ATL3: variants seen among roughly 807,000 people sequenced by gnomAD.
ATL3 encodes the protein atlastin GTPase 3, also known as atlastin-3.
ATL3 carries 49 observed loss-of-function variants against 69.5 expected under a neutral mutation model. The observed-to-expected ratio is 0.71, with a 90% CI of 0.56 to 0.89. ATL3 has a LOEUF of 0.89. ATL3 is among the 40% of genes least tolerant of loss of function. ATL3 has a pLI of 0.00. For synonymous variants in ATL3, 214 were observed against 224.1 expected, an observed-to-expected ratio of 0.95 and a Z score of 0.40; for missense variants, 606 against 645.7, an observed-to-expected ratio of 0.94 and a Z score of 0.67.
intron 5 of ATL3, among the ~76,000 whole-genome samples, chr11:63,651,363 A>T (rs1288360005): frequency 6.6e-6 from 1 of 151,898 alleles, no homozygotes; most frequent in Non-Finnish European, 1.5e-5. Flanking sequence ...CCAAGATTGC[A>T]TCATTGCACT....
rs1218378520 is a variant in ATL3 at position 63,624,553 on chromosome 11, T to G, written c.*4766A>C. 1 of 152,236 alleles carries G rather than the reference T, an allele frequency of 6.6e-6. No individual in the cohort carries two copies. The highest frequency in any genetic ancestry group is 2.4e-5 in the African/African-American group (1 of 41,466). The allele number at this position is 152,236 out of a possible 1,614,324, so 9.4% of individuals were successfully genotyped here. ...GGATCTTGTCTTCTTTCTTGTTCAT[T>G]ATTTTTATTTGTGGCTTAATGTTTC... On this transcript the variant is annotated 3_prime_UTR_variant, in exon 13 of 13. Transcript: ENST00000398868.
At chr11:63,671,031 C>G (rs1940754472) in intron 1 of ATL3, among the ~76,000 whole-genome samples, 1 of 152,132 alleles carries the variant, frequency 6.6e-6, no homozygotes, top group South Asian at 2.1e-4. Flanking sequence ...GAGCCCCCGG[C>G]GGCACCAGGG....
rs1056362795 is a variant in ATL3, at chr11:63,627,097, T to C, written c.*2222A>G. On this transcript the variant is annotated 3_prime_UTR_variant, in exon 13 of 13. Coordinates refer to ENST00000398868, the MANE Select transcript of ATL3 (RefSeq NM_015459.5). The stretch of plus-strand genomic sequence containing the variant: ...CTTTTTTTAAAGTGACCTAATACTT[T>C]AGTATGAGTTTTCGACACATCACCC... 3.3e-5 allele frequency: 5 copies of C among 152,200 alleles called. No homozygotes were observed. Among genetic ancestry groups the C allele is most frequent in the Non-Finnish European group, 7.3e-5 (5 of 68,032 alleles). The allele number at this position is 152,200 out of a possible 1,614,324, so 9.4% of individuals were successfully genotyped here. A position where few individuals can be genotyped will look rare whatever the true frequency, so the allele number is the denominator to read the frequency against.
intron 4 of ATL3, 121 bp from the exon 5 acceptor site, chr11:63,652,107 T>G: frequency 6.9e-7 from 1 of 1,444,158 alleles, no homozygotes; most frequent in Non-Finnish European, 9.1e-7. Flanking sequence ...ACATGAGGCC[T>G]GTTCAAACAG....
chr11:63,631,515 A>C, intron 11 of ATL3, 44 bp from the exon 12 acceptor site: 2 of 1,470,010 alleles, frequency 1.4e-6, no homozygotes, highest in Non-Finnish European at 9.2e-7. Context: ...TCTCTTCAAA[A>C]ACAAGTGCCA....
intron 1 of ATL3, among the ~76,000 whole-genome samples, chr11:63,667,888 A>G (rs1024395713): frequency 6.6e-6 from 1 of 152,052 alleles, no homozygotes; most frequent in Non-Finnish European, 1.5e-5. Flanking sequence ...GCTATTGAGC[A>G]GCATCCCTGG....
intron 1 of ATL3, among the ~76,000 whole-genome samples, chr11:63,667,763 C>CAA (rs35015200): frequency 8.5e-4 from 85 of 99,574 alleles, no homozygotes; most frequent in Non-Finnish European, 1.4e-3. Flanking sequence ...GACTCTGTAT[C>CAA]AAAAAAAAAA....
At chr11:63,660,301 T>C (rs1474624021) in intron 1 of ATL3, among the ~76,000 whole-genome samples, 1 of 152,082 alleles carries the variant, frequency 6.6e-6, no homozygotes, top group Admixed American at 6.6e-5. Context: ...GAAAAAGATA[T>C]ACAAATCCTA....
In ATL3 at chr11:63,652,254, G is replaced by A. The variant is rs372237930; in HGVS notation, c.510+217C>T. 1.5e-4 allele frequency among the ~76,000 whole-genome samples: 23 copies of A among 151,942 alleles called. No individual in the cohort carries two copies. In the East Asian group the frequency reaches 4.1e-3, roughly 27 times the overall value. ...TGATATAATAAATTTCCATTTTTTG[G>A]ACTTTTCTTGGAACATATTATATAT... On this transcript the variant is annotated intron_variant, in intron 4 of 12. Coordinates refer to ENST00000398868, the MANE Select transcript of ATL3 (RefSeq NM_015459.5).
intron 8 of ATL3, among the ~76,000 whole-genome samples, chr11:63,641,727 T>C (rs1315892831): frequency 1.3e-5 from 2 of 152,150 alleles, no homozygotes; most frequent in East Asian, 3.9e-4. Flanking sequence ...TTTGTGGTAA[T>C]TGGTTAAAGG....
rs115425266 is a variant in ATL3, at chr11:63,647,557, G to A, written c.562-994C>T. 7.3e-3 allele frequency among the ~76,000 whole-genome samples: 1,114 copies of A among 152,092 alleles called. 12 individuals carry two copies. Among genetic ancestry groups the A allele is most frequent in the African/African-American group, 0.025 (1,038 of 41,488 alleles). On this transcript the variant is annotated intron_variant, in intron 5 of 12. Transcript: ENST00000398868. ...ACTATACCTCTTCTTGATTTGATTT[G>A]CATCTGTCTTTATACTAGCATTTAA...
intron 4 of ATL3, 109 bp from the exon 5 acceptor site, chr11:63,652,095 G>C: frequency 6.7e-7 from 1 of 1,484,680 alleles, no homozygotes; most frequent in Non-Finnish European, 8.9e-7. Flanking sequence ...TTGCATATAA[G>C]AACATGAGGC....
At position 63,651,529 on chromosome 11, in the gene ATL3, A is replaced by G. The variant is rs551466; in HGVS notation, c.561+407T>C. ...ACCTTCCCCAGAGGAAAAGACCCAG[A>G]ATGAGTGGGACCTCACTGCCTCTCT... On this transcript the variant is annotated intron_variant, in intron 5 of 12. Coordinates refer to ENST00000398868, the MANE Select transcript of ATL3 (RefSeq NM_015459.5). Among the ~76,000 whole-genome samples the G allele has an allele frequency of 5.3e-5, 8 of 152,200 alleles. No homozygotes were observed. In the East Asian group the frequency reaches 1.5e-3, roughly 29 times the overall value.
At chr11:63,644,287 T>C in intron 6 of ATL3, 26 bp from the exon 7 acceptor site, 2 of 1,402,714 alleles carry the variant, frequency 1.4e-6, no homozygotes, top group Middle Eastern at 1.8e-4. Context: ...GCGGAACATA[T>C]TTTAACATGC....
rs1160463700 is a variant in ATL3 at position 63,629,356 on chromosome 11, A to G, written c.1589T>C (p.Val530Ala). Residue 530 changes from valine to alanine, a missense_variant, in exon 13 of 13, where the codon GTT (valine) becomes GCT (alanine). Transcript: ENST00000398868. ...NSTQATVRDA[V>A]VGRPSMDKKA... ...TTTATCCATGGATGGTCTTCCAACA[A>G]CTGCATCCCTCACAGTGGCCTGAGT... 1 of 1,614,178 alleles carries G rather than the reference A, an allele frequency of 6.2e-7. No homozygotes were observed. The highest frequency in any genetic ancestry group is 1.7e-5 in the Admixed American group (1 of 60,016).
chr11:63,658,741 A>G lies in ATL3; in HGVS notation c.405+20T>C, dbSNP rs1020015227. 3.4e-5 allele frequency: 54 copies of G among 1,585,466 alleles called. No homozygotes were observed. Among genetic ancestry groups the G allele is most frequent in the Non-Finnish European group, 4.1e-5 (48 of 1,170,634 alleles). On this transcript the variant is annotated intron_variant, in intron 3 of 12. Transcript: ENST00000398868. Reference sequence around the variant, plus strand: ...TTTGTTGTTGTTGTTGTTAATCTGTAAGGTCATTTTCATCCTTACCTTCTT... The same window carrying G: ...TTTGTTGTTGTTGTTGTTAATCTGTGAGGTCATTTTCATCCTTACCTTCTT...
At chr11:63,671,438 G>C (rs1202975722), upstream of ATL3, 3 of 1,496,662 alleles carry the variant, frequency 2.0e-6, no homozygotes, top group Non-Finnish European at 2.7e-6. Flanking sequence ...GGCGGAGCCT[G>C]GGCTCTAGAA....
At chr11:63,648,120 A>G (rs1414721436) in intron 5 of ATL3, among the ~76,000 whole-genome samples, 1 of 152,138 alleles carries the variant, frequency 6.6e-6, no homozygotes, top group Admixed American at 6.6e-5. Flanking sequence ...CTATCTGGAG[A>G]AGATAAATCC....
intron 8 of ATL3, among the ~76,000 whole-genome samples, chr11:63,640,706 G>A (rs2134482380): frequency 6.7e-6 from 1 of 150,022 alleles, no homozygotes; most frequent in East Asian, 2.0e-4. Context: ...CCAGATTCAG[G>A]CGATTCTCCT....
Sources: allele counts gnomAD v4.1 joint callset (sites outside exome capture counted in the v4.1 genomes callset), GRCh38; gene constraint gnomAD v4.1.1; transcripts MANE v1.5; gene names NCBI Gene and HGNC (gene_info 2026-07-23, HGNC 2026-07-21).